BTBD2: variants seen among roughly 807,000 people sequenced by gnomAD.
BTBD2 encodes the protein BTB/POZ domain-containing protein 2.
A neutral mutation model predicts 44.0 loss-of-function variants in BTBD2; 15 were observed. That is an observed-to-expected ratio of 0.34 (90% confidence interval 0.23 to 0.53). The LOEUF is 0.53. BTBD2 is among the 20% of genes least tolerant of loss of function. The pLI is 0.95. For synonymous variants in BTBD2, 443 were observed against 335.9 expected (o/e 1.32, Z -3.49); for missense variants, 657 against 746.4 (o/e 0.88, Z 1.39).
intron 6 of BTBD2, 39 bp downstream of exon 6, chr19:1,987,461 C>T (rs1599345835): frequency 6.6e-7 from 1 of 1,513,666 alleles, no homozygotes; most frequent in Non-Finnish European, 8.9e-7. Flanking sequence ...GTCCTCCACC[C>T]CCATGTCCGG....
intron 1 of BTBD2, among the ~76,000 whole-genome samples, chr19:2,007,872 G>T (rs1385624038): frequency 6.6e-6 from 1 of 152,100 alleles, no homozygotes; most frequent in Non-Finnish European, 1.5e-5. Context: ...CCATAAGGAA[G>T]GAGATGTTTT....
chr19:1,987,837 C>A, intron 5 of BTBD2, 145 bp from the exon 6 acceptor site: 2 of 802,352 alleles, frequency 2.5e-6, no homozygotes, highest in Admixed American at 5.9e-5. Flanking sequence ...GGGGGACTAG[C>A]CACCAGCCAT....
chr19:2,014,882 C>T (rs2016512858), intron 1 of BTBD2, among the ~76,000 whole-genome samples: 1 of 147,294 alleles, frequency 6.8e-6, no homozygotes, highest in Admixed American at 6.7e-5. Flanking sequence ...TCCAGGGGGG[C>T]CTGGGGATGG....
intron 1 of BTBD2, among the ~76,000 whole-genome samples, chr19:1,997,804 GTTCA>G (rs1337826783): frequency 6.6e-6 from 1 of 152,232 alleles, no homozygotes; most frequent in Non-Finnish European, 1.5e-5. Context: ...ATTCACACGT[GTTCA>G]TTCACACATG....
At chr19:2,015,183 G>A in intron 1 of BTBD2, 114 bp downstream of exon 1, 2 of 1,372,826 alleles carry the variant, frequency 1.5e-6, no homozygotes, top group Non-Finnish European at 9.5e-7. Flanking sequence ...GCAGGGCTCG[G>A]GGATGGAGGG....
At chr19:1,987,469 C>G (rs372507359) in intron 6 of BTBD2, 31 bp downstream of exon 6, 2 of 1,524,894 alleles carry the variant, frequency 1.3e-6, no homozygotes, top group East Asian at 2.5e-5. Flanking sequence ...CCCCCATGTC[C>G]GGACCCCCCC....
At chr19:1,995,900 C>T (rs1165376096) in intron 2 of BTBD2, among the ~76,000 whole-genome samples, 1 of 152,094 alleles carries the variant, frequency 6.6e-6, no homozygotes, top group Non-Finnish European at 1.5e-5. Context: ...CGTGATCCGC[C>T]CATCTCAGCC....
At chr19:2,006,739 C>G (rs1048020509) in intron 1 of BTBD2, among the ~76,000 whole-genome samples, 1 of 151,750 alleles carries the variant, frequency 6.6e-6, no homozygotes, top group African/African-American at 2.4e-5. Flanking sequence ...ACCAGGCTGG[C>G]CTGCACTGGC....
chr19:2,008,443 A>T (rs1224338726), intron 1 of BTBD2, among the ~76,000 whole-genome samples: 1 of 150,958 alleles, frequency 6.6e-6, no homozygotes, highest in Non-Finnish European at 1.5e-5. Context: ...GGTGCAAGCC[A>T]CCATGCCTGG....
intron 7 of BTBD2, 55 bp from the exon 8 acceptor site, chr19:1,987,031 C>G: frequency 1.9e-6 from 3 of 1,595,792 alleles, no homozygotes; most frequent in Non-Finnish European, 2.6e-6. Context: ...AACGGGGACC[C>G]CTCGAGGCCC....
At chr19:2,012,980 G>A (rs2016486259) in intron 1 of BTBD2, among the ~76,000 whole-genome samples, 1 of 152,120 alleles carries the variant, frequency 6.6e-6, no homozygotes, top group Non-Finnish European at 1.5e-5. Context: ...GGTGGAGGGA[G>A]CAAACCCACC....
intron 1 of BTBD2, among the ~76,000 whole-genome samples, chr19:1,998,432 G>A (rs1459881387): frequency 2.0e-5 from 3 of 152,240 alleles, no homozygotes; most frequent in Non-Finnish European, 4.4e-5. Flanking sequence ...GAGCGTGGGA[G>A]GAGCGTTAGG....
chr19:1,988,002 C>T (rs2016117369), intron 5 of BTBD2: 1 of 337,908 alleles, frequency 3.0e-6, no homozygotes, highest in Non-Finnish European at 5.4e-6. Flanking sequence ...GACCACCCGT[C>T]ACTTCACTGT....
chr19:1,994,129 C>T (rs984936806), intron 2 of BTBD2, among the ~76,000 whole-genome samples: 3 of 150,044 alleles, frequency 2.0e-5, no homozygotes, highest in African/African-American at 4.9e-5. Flanking sequence ...CTAGCCTGGC[C>T]GACATGGCAA....
intron 4 of BTBD2, 76 bp downstream of exon 4, chr19:1,990,636 CCAAAG>C: frequency 7.5e-7 from 1 of 1,338,166 alleles, no homozygotes; most frequent in Non-Finnish European, 1.0e-6. Flanking sequence ...TCCCCCAGGC[CCAAAG>C]CTCCCACTGT....
intron 5 of BTBD2, 153 bp from the exon 6 acceptor site, chr19:1,987,845 C>T: frequency 1.4e-6 from 1 of 711,318 alleles, no homozygotes; most frequent in East Asian, 2.8e-5. Flanking sequence ...AGCCACCAGC[C>T]ATGGCCCCTG....
chr19:2,013,808 C>A, intron 1 of BTBD2: 1 of 384,198 alleles, frequency 2.6e-6, no homozygotes, highest in Non-Finnish European at 3.5e-6. Flanking sequence ...GGTCTGGAGG[C>A]AGCAGGGAGG....
intron 1 of BTBD2, among the ~76,000 whole-genome samples, chr19:2,010,394 AC>A (rs2016449305): frequency 6.6e-6 from 1 of 152,036 alleles, no homozygotes; most frequent in African/African-American, 2.4e-5. Context: ...GCCGCGTGCA[AC>A]CCCTGGCCTC....
At position 1,990,038 on chromosome 19, in the gene BTBD2, G is replaced by A; in HGVS notation, c.954C>T (p.Arg318=). 3 of 1,613,396 alleles carry A rather than the reference G, an allele frequency of 1.9e-6. No individual in the cohort carries two copies. The highest frequency in any genetic ancestry group is 2.5e-6 in the Non-Finnish European group (3 of 1,180,024). The part of the protein sequence containing the change: ...KVLGKALGLI[R]FPLMTIEEFA... ...ACTCCTCGATGGTCATGAGCGGGAAGCGAATGAGGCCCAGGGCCTTGCCCA... is the reference window on the plus strand; with the variant it reads ...ACTCCTCGATGGTCATGAGCGGGAAACGAATGAGGCCCAGGGCCTTGCCCA... The change falls in exon 5 of 9, where the codon CGC becomes CGT. Residue 318 remains arginine, a synonymous_variant. Transcript: ENST00000255608.
Sources: allele counts gnomAD v4.1 joint callset (sites outside exome capture counted in the v4.1 genomes callset), GRCh38; gene constraint gnomAD v4.1.1; transcripts MANE v1.5; gene names NCBI Gene and HGNC (gene_info 2026-07-23, HGNC 2026-07-21).